PFKFB3: variants seen among roughly 807,000 people sequenced by gnomAD.
PFKFB3 encodes 6-phosphofructo-2-kinase/fructose-2,6-biphosphatase 3.
Under a neutral mutation model 68.0 loss-of-function variants are expected in PFKFB3, and 33 were observed. The observed-to-expected ratio is 0.49, with a 90% confidence interval of 0.37 to 0.65. The LOEUF (loss-of-function observed/expected upper bound fraction) is 0.65. PFKFB3 is among the 30% of genes least tolerant of loss of function. PFKFB3 has a pLI of 0.00. For missense variants in PFKFB3, 586 were observed against 712.2 expected (o/e 0.82, Z 2.02); for synonymous variants, 315 against 288.2 (o/e 1.09, Z -0.94).
chr10:6,172,074 A>G (rs1474364247), intron 1 of PFKFB3, among the ~76,000 whole-genome samples: 1 of 152,162 alleles, frequency 6.6e-6, no homozygotes, highest in East Asian at 1.9e-4. Context: ...GGTGTCCGGG[A>G]CAGATACTCT....
chr10:6,261,526 T>G, the PFKFB3 span, among the ~76,000 whole-genome samples: 2 of 152,120 alleles, frequency 1.3e-5, no homozygotes, highest in African/African-American at 4.8e-5. Flanking sequence ...TGGGGCCTTG[T>G]TGACAGAGGA....
chr10:6,310,381 C>T, the PFKFB3 span, among the ~76,000 whole-genome samples: 1 of 151,978 alleles, frequency 6.6e-6, no homozygotes, highest in African/African-American at 2.4e-5. Flanking sequence ...GAAATGGTGT[C>T]CCTGTCCCTC....
chr10:6,259,534 C>CTGCT (rs1376419118), downstream of PFKFB3, among the ~76,000 whole-genome samples: 17 of 151,230 alleles, frequency 1.1e-4, no homozygotes, highest in African/African-American at 4.1e-4. Context: ...ACCCACCCAT[C>CTGCT]CATCTGCTCA....
chr10:6,298,350 A>G, the PFKFB3 span, among the ~76,000 whole-genome samples: 1 of 148,146 alleles, frequency 6.8e-6, no homozygotes, highest in African/African-American at 2.5e-5. Context: ...TCCAGAGTCC[A>G]CTTATTCTAT....
chr10:6,256,782 C>A (rs771298557), downstream of PFKFB3, among the ~76,000 whole-genome samples: 1 of 152,172 alleles, frequency 6.6e-6, no homozygotes, highest in Non-Finnish European at 1.5e-5. Flanking sequence ...ATGTTCAAAT[C>A]GACCCATGGG....
chr10:6,254,074 T>C (rs1025260820), intron 14 of PFKFB3: 8 of 394,660 alleles, frequency 2.0e-5, no homozygotes, highest in Non-Finnish European at 3.6e-5. Context: ...GAGGGTCTTT[T>C]TCATCCATGT....
chr10:6,208,580 T>C (rs999570842), intron 1 of PFKFB3, among the ~76,000 whole-genome samples: 3 of 152,008 alleles, frequency 2.0e-5, no homozygotes, highest in Admixed American at 6.6e-5. Flanking sequence ...GTGGGTGATG[T>C]CCTAGAGAAA....
At chr10:6,268,323 G>C in the PFKFB3 span, among the ~76,000 whole-genome samples, 1 of 152,132 alleles carries the variant, frequency 6.6e-6, no homozygotes, top group Non-Finnish European at 1.5e-5. Flanking sequence ...CTCATGCTAG[G>C]AACCTTTTTG....
At chr10:6,285,525 G>A in the PFKFB3 span, among the ~76,000 whole-genome samples, 7 of 152,202 alleles carry the variant, frequency 4.6e-5, no homozygotes, top group South Asian at 6.2e-4. Context: ...GAGCCACTGC[G>A]CCCAGCTCAA....
chr10:6,223,664 G>T (rs769833499), intron 11 of PFKFB3, among the ~76,000 whole-genome samples: 1 of 151,998 alleles, frequency 6.6e-6, no homozygotes, highest in Admixed American at 6.5e-5. Flanking sequence ...CTCTTCTTGC[G>T]CAGGCTGCAG....
the PFKFB3 span, among the ~76,000 whole-genome samples, chr10:6,309,505 C>T: frequency 6.6e-6 from 1 of 152,080 alleles, no homozygotes; most frequent in Non-Finnish European, 1.5e-5. Context: ...GCCTGTAATC[C>T]TAGCTACTTG....
intron 1 of PFKFB3, among the ~76,000 whole-genome samples, chr10:6,179,257 G>A (rs1360407765): frequency 6.6e-6 from 1 of 152,248 alleles, no homozygotes; most frequent in African/African-American, 2.4e-5. Flanking sequence ...GCTGGAATTT[G>A]AACCTGGCAG....
intron 1 of PFKFB3, among the ~76,000 whole-genome samples, chr10:6,186,914 C>T (rs1286581290): frequency 6.6e-6 from 1 of 152,160 alleles, no homozygotes; most frequent in East Asian, 1.9e-4. Flanking sequence ...TACCCCTTCT[C>T]CTTGCTTCCT....
chr10:6,285,021 A>T, the PFKFB3 span, among the ~76,000 whole-genome samples: 15 of 152,060 alleles, frequency 9.9e-5, no homozygotes, highest in Admixed American at 9.2e-4. Context: ...CCTTTTGGCT[A>T]TTGTGAATAA....
upstream of PFKFB3, among the ~76,000 whole-genome samples, chr10:6,199,464 CA>C (rs1843260794): frequency 6.6e-6 from 1 of 151,074 alleles, no homozygotes; most frequent in Non-Finnish European, 1.5e-5. Flanking sequence ...GCTATGTGAG[CA>C]CCTCACCAGG....
chr10:6,251,979 TAAATA>T (rs1408001606), intron 14 of PFKFB3, among the ~76,000 whole-genome samples: 1 of 151,604 alleles, frequency 6.6e-6, no homozygotes, highest in Non-Finnish European at 1.5e-5. Context: ...AAAAAACAAA[TAAATA>T]AATAAAATAA....
At chr10:6,152,513 C>T (rs7096344) in intron 1 of PFKFB3, among the ~76,000 whole-genome samples, 40,051 of 151,868 alleles carry the variant, frequency 0.26, 5,476 homozygotes, top group Middle Eastern at 0.32. Flanking sequence ...GACGTTTGCA[C>T]GAGGAACATT....
downstream of PFKFB3, among the ~76,000 whole-genome samples, chr10:6,257,219 G>C (rs961561816): frequency 2.0e-5 from 3 of 152,118 alleles, no homozygotes; most frequent in Non-Finnish European, 2.9e-5. Flanking sequence ...AACCCTTTCT[G>C]AGTCATTGAT....
the PFKFB3 span, among the ~76,000 whole-genome samples, chr10:6,315,706 G>A: frequency 0.22 from 33,450 of 152,112 alleles, 4,166 homozygotes; most frequent in African/African-American, 0.32. Context: ...GGCTGGTCTC[G>A]AACTCCTGAC....
Sources: gnomAD v4.1 joint callset for allele counts (sites outside exome capture counted in the v4.1 genomes callset) on GRCh38, gnomAD v4.1.1 for gene constraint, MANE v1.5 for transcripts, NCBI Gene and HGNC (gene_info 2026-07-23, HGNC 2026-07-21) for gene names.